The following SLIT2 variants were observed in gnomAD, a reference collection of about 807,000 sequenced individuals.
SLIT2 encodes slit homolog 2 protein.
SLIT2 carries 41 observed loss-of-function variants against 185.7 expected under a neutral mutation model. The ratio of observed to expected loss-of-function variants is 0.22; its 90% CI spans 0.17 to 0.29. The LOEUF is 0.29. SLIT2 is among the 10% of genes least tolerant of loss of function. SLIT2 has a pLI of 1.00. For synonymous variants in SLIT2, 693 were observed against 680.2 expected (o/e 1.02, Z -0.29); for missense variants, 1,571 against 1,909.0 (o/e 0.82, Z 3.30).
Position 20,321,488 on chromosome 4 carries a change from C to T in SLIT2, c.395+52607C>T, listed in dbSNP as rs76372401. 5.3e-3 allele frequency among the ~76,000 whole-genome samples: 804 copies of T among 152,230 alleles called. 8 individuals are homozygous for T. Among genetic ancestry groups the T allele is most frequent in the African/African-American group, 0.018 (760 of 41,540 alleles). On this transcript the variant is annotated intron_variant, in intron 4 of 36. Transcript: ENST00000504154. The stretch of plus-strand genomic sequence containing the variant: ...AAAATTCAAGCTGGTGTGTAGGACC[C>T]CAGTGACTAGCTTCTGACCCAGTGG...
At chr4:20,298,373 G>T (rs938876612) in intron 4 of SLIT2, among the ~76,000 whole-genome samples, 3 of 152,168 alleles carry the variant, frequency 2.0e-5, no homozygotes, top group Non-Finnish European at 4.4e-5. Context: ...ACAGACGTGA[G>T]CCACTGCACC....
intron 29 of SLIT2, among the ~76,000 whole-genome samples, chr4:20,587,180 A>G (rs903460142): frequency 6.6e-6 from 1 of 151,716 alleles, no homozygotes; most frequent in Non-Finnish European, 1.5e-5. Flanking sequence ...CACCACACCC[A>G]GCTAATTTTT....
intron 9 of SLIT2, among the ~76,000 whole-genome samples, chr4:20,500,775 A>C (rs1718658263): frequency 6.6e-6 from 1 of 152,182 alleles, no homozygotes; most frequent in Non-Finnish European, 1.5e-5. Flanking sequence ...ACCTGGTTTG[A>C]GATAAGAAGC....
intron 4 of SLIT2, among the ~76,000 whole-genome samples, chr4:20,303,760 C>T (rs1464915181): frequency 6.6e-6 from 1 of 152,064 alleles, no homozygotes; most frequent in Non-Finnish European, 1.5e-5. Context: ...GCAGAGTGTA[C>T]GTGAATGTGG....
At chr4:20,504,460 A>C (rs1378909224) in intron 9 of SLIT2, among the ~76,000 whole-genome samples, 5 of 152,144 alleles carry the variant, frequency 3.3e-5, no homozygotes, top group Non-Finnish European at 5.9e-5. Flanking sequence ...GGGTATTATA[A>C]AAACTTTTTG....
chr4:20,438,360 A>G (rs1729503708), intron 4 of SLIT2, among the ~76,000 whole-genome samples: 1 of 152,218 alleles, frequency 6.6e-6, no homozygotes. Context: ...GCAGAAGGCA[A>G]GGAGGAGTAA....
intron 4 of SLIT2, among the ~76,000 whole-genome samples, chr4:20,385,234 A>G (rs1318964003): frequency 1.3e-5 from 2 of 152,200 alleles, no homozygotes; most frequent in Non-Finnish European, 2.9e-5. Flanking sequence ...GCGAATGAAC[A>G]AACAAGGAAA....
chr4:20,353,399 A>G (rs1233882938), intron 4 of SLIT2, among the ~76,000 whole-genome samples: 1 of 152,222 alleles, frequency 6.6e-6, no homozygotes, highest in Non-Finnish European at 1.5e-5. Flanking sequence ...TATAATGACC[A>G]TAGTATGAAA....
chr4:20,479,031 T>G (rs1716417976), intron 5 of SLIT2, among the ~76,000 whole-genome samples: 1 of 152,196 alleles, frequency 6.6e-6, no homozygotes, highest in Non-Finnish European at 1.5e-5. Flanking sequence ...TATAATAGCA[T>G]GGATGTTAGC....
intron 4 of SLIT2, among the ~76,000 whole-genome samples, chr4:20,274,071 T>G (rs191805432): frequency 3.9e-5 from 6 of 152,236 alleles, no homozygotes; most frequent in Admixed American, 3.3e-4. Flanking sequence ...GTGCTAAGGG[T>G]GAAAGTTCCG....
In SLIT2 at chr4:20,541,162, C is replaced by T. The variant is rs73801865; in HGVS notation, c.1977-291C>T. Reference sequence around the variant, plus strand: ...TCTAAATGAAATATCTATCAGGATCCACTGTATAAACCCCAAATTCTACCT... The same window carrying T: ...TCTAAATGAAATATCTATCAGGATCTACTGTATAAACCCCAAATTCTACCT... On this transcript the variant is annotated intron_variant, in intron 19 of 36. Transcript: ENST00000504154. Among the ~76,000 whole-genome samples the T allele has an allele frequency of 1.9e-3, 295 of 152,206 alleles. 1 individual carries two copies. The highest frequency in any genetic ancestry group is 6.5e-3 in the African/African-American group (268 of 41,548).
intron 4 of SLIT2, among the ~76,000 whole-genome samples, chr4:20,442,945 G>A (rs557143629): frequency 3.3e-5 from 5 of 152,258 alleles, no homozygotes; most frequent in East Asian, 3.9e-4. Flanking sequence ...CTATTTCATA[G>A]TGAAATAGAA....
intron 5 of SLIT2, among the ~76,000 whole-genome samples, chr4:20,471,937 T>C (rs955500148): frequency 6.6e-6 from 1 of 152,002 alleles, no homozygotes; most frequent in Non-Finnish European, 1.5e-5. Context: ...TTACATTTTA[T>C]TTTGCTACCT....
chr4:20,575,142 T>C (rs902183431), intron 29 of SLIT2, among the ~76,000 whole-genome samples: 8 of 152,294 alleles, frequency 5.3e-5, no homozygotes, highest in Non-Finnish European at 7.4e-5. Context: ...GTCCTTAAAT[T>C]GTTGTGTATA....
chr4:20,472,496 A>C lies in SLIT2; in HGVS notation c.467+4673A>C, dbSNP rs867660141. 3.0e-4 allele frequency among the ~76,000 whole-genome samples: 3 copies of C among 9,880 alleles called. 1 individual carries two copies. Among genetic ancestry groups the C allele is most frequent in the Admixed American group, 1.9e-3 (1 of 526 alleles). The allele number at this position is 9,880 out of a possible 152,430, so 6.5% of individuals were successfully genotyped here. On this transcript the variant is annotated intron_variant, in intron 5 of 36. Coordinates refer to ENST00000504154, the MANE Select transcript of SLIT2 (RefSeq NM_004787.4). Reference sequence around the variant, plus strand: ...TATAGATATATATCTATATATAGATATATATCTATATATAGATAGATATAT... The same window carrying C: ...TATAGATATATATCTATATATAGATCTATATCTATATATAGATAGATATAT...
intron 8 of SLIT2, 132 bp downstream of exon 8, chr4:20,489,114 G>T (rs982039394): frequency 5.3e-6 from 3 of 565,124 alleles, no homozygotes; most frequent in South Asian, 4.9e-5. Context: ...ACTCTACAGA[G>T]ATCCTCTTTT....
intron 4 of SLIT2, among the ~76,000 whole-genome samples, chr4:20,367,192 G>A (rs1178136707): frequency 6.6e-6 from 1 of 152,120 alleles, no homozygotes; most frequent in African/African-American, 2.4e-5. Flanking sequence ...TTCAAAAAAT[G>A]CATCTGCCAT....
intron 24 of SLIT2, among the ~76,000 whole-genome samples, chr4:20,550,252 G>A (rs1001979612): frequency 9.2e-5 from 14 of 151,890 alleles, no homozygotes; most frequent in African/African-American, 1.7e-4. Flanking sequence ...CTAAGCACTC[G>A]TGCTTTTTAT....
chr4:20,554,299 T>C, intron 26 of SLIT2: 1 of 468,946 alleles, frequency 2.1e-6, no homozygotes, highest in Non-Finnish European at 4.3e-6. Flanking sequence ...ACATGTGCCC[T>C]GCTCCTAGGG....
Sources: allele counts gnomAD v4.1 joint callset (sites outside exome capture counted in the v4.1 genomes callset), GRCh38; gene constraint gnomAD v4.1.1; transcripts MANE v1.5; gene names NCBI Gene and HGNC (gene_info 2026-07-23, HGNC 2026-07-21).